ANKH: variants seen among roughly 807,000 people sequenced by gnomAD.
ANKH encodes the protein ANKH inorganic pyrophosphate transport regulator.
A neutral mutation model predicts 49.0 loss-of-function variants in ANKH; 15 were observed. The observed-to-expected ratio is 0.31, with a 90% CI of 0.20 to 0.47. ANKH has a LOEUF of 0.47. Among genes scored for constraint, ANKH ranks in the 20% least tolerant of loss-of-function variants. The pLI is 1.00. For missense variants in ANKH, 429 were observed against 652.0 expected, an observed-to-expected ratio of 0.66 and a Z score of 3.72; for synonymous variants, 273 against 260.0, an observed-to-expected ratio of 1.05 and a Z score of -0.48.
chr5:14,812,117 T>TAAAAAA (rs55728743), intron 1 of ANKH, among the ~76,000 whole-genome samples: 4 of 126,530 alleles, frequency 3.2e-5, no homozygotes, highest in Non-Finnish European at 3.3e-5. Context: ...GTATTTATCT[T>TAAAAAA]AAAAAAAAAA....
At chr5:14,845,219 G>A in intron 1 of ANKH, among the ~76,000 whole-genome samples, 1 of 152,028 alleles carries the variant, frequency 6.6e-6, no homozygotes, top group East Asian at 1.9e-4. Context: ...GAGTATATAT[G>A]TTAAGAGTCT....
chr5:14,711,156 C>CCTGA lies in ANKH; in HGVS notation c.*37_*40dup, dbSNP rs369741855. 37 of 1,504,964 alleles carry CCTGA rather than the reference C, an allele frequency of 2.5e-5. No homozygotes were observed. The African/African-American group carries it at 4.5e-4, about 18-fold the overall frequency. 93.2% of individuals were successfully genotyped at this position (1,504,964 alleles called of 1,614,324 possible). A position where few individuals can be genotyped will look rare whatever the true frequency, so the allele number is the denominator to read the frequency against. On this transcript the variant is annotated 3_prime_UTR_variant, in exon 12 of 12. Coordinates refer to ENST00000284268, the MANE Select transcript of ANKH (RefSeq NM_054027.6). ...GGAAGAGATGATGCCGAAGTGTCAT[C>CCTGA]CTGACTGACTGTCCCTGCAGTGCCC...
chr5:14,816,181 T>C (rs548411338), intron 1 of ANKH, among the ~76,000 whole-genome samples: 1 of 152,338 alleles, frequency 6.6e-6, no homozygotes, highest in Admixed American at 6.5e-5. Context: ...CTTTAATTTG[T>C]TGATCTAAAG....
At chr5:14,831,407 CT>C (rs1438870814) in intron 1 of ANKH, among the ~76,000 whole-genome samples, 1 of 152,154 alleles carries the variant, frequency 6.6e-6, no homozygotes, top group African/African-American at 2.4e-5. Context: ...TACAAAGCAA[CT>C]TTTCTGTGTT....
intron 3 of ANKH, among the ~76,000 whole-genome samples, chr5:14,756,153 T>C (rs1738877353): frequency 6.6e-6 from 1 of 152,234 alleles, no homozygotes; most frequent in African/African-American, 2.4e-5. Context: ...AGTGAAGGAC[T>C]GCACGCAGGT....
chr5:14,716,498 A>G (rs1005426340), intron 9 of ANKH, among the ~76,000 whole-genome samples: 2 of 152,244 alleles, frequency 1.3e-5, no homozygotes, highest in South Asian at 2.1e-4. Flanking sequence ...TCTCCAATAA[A>G]TAAATAAATA....
intron 1 of ANKH, among the ~76,000 whole-genome samples, chr5:14,811,556 A>G (rs1212582975): frequency 6.6e-6 from 1 of 152,256 alleles, no homozygotes; most frequent in Non-Finnish European, 1.5e-5. Flanking sequence ...CCTGTCCCCA[A>G]GTACAAACAA....
At chr5:14,844,197 G>T (rs770393231) in intron 1 of ANKH, among the ~76,000 whole-genome samples, 6 of 152,142 alleles carry the variant, frequency 3.9e-5, no homozygotes, top group Non-Finnish European at 7.4e-5. Flanking sequence ...ATATCCCCAA[G>T]GTTGCAAGTC....
chr5:14,795,814 C>T (rs62355971), intron 1 of ANKH, among the ~76,000 whole-genome samples: 18,802 of 151,486 alleles, frequency 0.12, 1,276 homozygotes, highest in African/African-American at 0.17. Flanking sequence ...GCCAAGAATA[C>T]ACCACTGCAC....
At chr5:14,747,321 T>C (rs917718308) in intron 6 of ANKH, among the ~76,000 whole-genome samples, 2 of 152,350 alleles carry the variant, frequency 1.3e-5, no homozygotes, top group Non-Finnish European at 1.5e-5. Flanking sequence ...AGCTTAAGCC[T>C]ATAATCCCAG....
At chr5:14,747,130 G>T (rs1738565770) in intron 6 of ANKH, among the ~76,000 whole-genome samples, 1 of 152,158 alleles carries the variant, frequency 6.6e-6, no homozygotes, top group African/African-American at 2.4e-5. Flanking sequence ...CGTGGTTGTT[G>T]ATGGCTCCGT....
At chr5:14,862,351 T>C (rs1030228394) in intron 1 of ANKH, among the ~76,000 whole-genome samples, 2 of 152,252 alleles carry the variant, frequency 1.3e-5, no homozygotes, top group African/African-American at 2.4e-5. Context: ...AATGTTTTCA[T>C]TGTAATTTTA....
At chr5:14,853,460 A>G (rs6863017) in intron 1 of ANKH, among the ~76,000 whole-genome samples, 2,912 of 152,192 alleles carry the variant, frequency 0.019, 69 homozygotes, top group African/African-American at 0.053. Flanking sequence ...ACCTATGGTC[A>G]CAGCTACTCG....
At chr5:14,803,161 CTG>C (rs1740612883) in intron 1 of ANKH, among the ~76,000 whole-genome samples, 1 of 152,236 alleles carries the variant, frequency 6.6e-6, no homozygotes, top group Non-Finnish European at 1.5e-5. Flanking sequence ...AGAACTATTA[CTG>C]TGTCAGGTGG....
In ANKH at chr5:14,871,606, C is replaced by T. The variant is rs1484776339; in HGVS notation, c.-159G>A. The stretch of plus-strand genomic sequence containing the variant: ...CGGCGGCGGCGGCTCCTCCTCGCGG[C>T]TGCGGCGCCTTCTCCGAGCGCGGCT... On this transcript the variant is annotated 5_prime_UTR_variant, in exon 1 of 12. Transcript: ENST00000284268. 5.2e-6 allele frequency: 1 copy of T among 191,554 alleles called. No individual in the cohort carries two copies. The highest frequency in any genetic ancestry group is 9.9e-6 in the Non-Finnish European group (1 of 101,462). The allele number at this position is 191,554 out of a possible 1,614,324, so 11.9% of individuals were successfully genotyped here.
At chr5:14,798,403 C>T (rs1225029736) in intron 1 of ANKH, 121 of 1,558,416 alleles carry the variant, frequency 7.8e-5, no homozygotes, top group Middle Eastern at 1.8e-4. Flanking sequence ...TCGGCCATGG[C>T]GGGCAGGCGA....
At chr5:14,808,348 G>A (rs924403496) in intron 1 of ANKH, among the ~76,000 whole-genome samples, 1 of 152,136 alleles carries the variant, frequency 6.6e-6, no homozygotes, top group Non-Finnish European at 1.5e-5. Context: ...AGAAGATAAA[G>A]CTGTACCTTC....
rs542678967 is a variant in ANKH, at chr5:14,847,848, G to A, written c.96+23504C>T. On this transcript the variant is annotated intron_variant, in intron 1 of 11. Coordinates refer to ENST00000284268, the MANE Select transcript of ANKH (RefSeq NM_054027.6). ...TTAGAATTTTAAATTTGTTTTCAAA[G>A]TTTTATACTCTGGGCCAGGTGCAGT... is the stretch of plus-strand genomic sequence containing the variant. Among the ~76,000 whole-genome samples, 190 of 152,292 alleles carry A rather than the reference G, an allele frequency of 1.2e-3. 1 individual carries two copies. Among genetic ancestry groups the A allele is most frequent in the African/African-American group, 4.3e-3 (179 of 41,562 alleles).
intron 8 of ANKH, among the ~76,000 whole-genome samples, chr5:14,729,294 T>C (rs770200525): frequency 1.3e-5 from 2 of 151,428 alleles, no homozygotes; most frequent in Non-Finnish European, 2.9e-5. Flanking sequence ...CTCAGGTGAT[T>C]CGCCCACCTT....
Sources: gnomAD v4.1 joint callset for allele counts (sites outside exome capture counted in the v4.1 genomes callset) on GRCh38, gnomAD v4.1.1 for gene constraint, MANE v1.5 for transcripts, NCBI Gene and HGNC (gene_info 2026-07-23, HGNC 2026-07-21) for gene names.